Variants in DLGAP2 observed in about 807,000 individuals in gnomAD.
DLGAP2 encodes the protein DLG associated protein 2.
A neutral mutation model predicts 100.3 loss-of-function variants in DLGAP2; 26 were observed. The observed-to-expected ratio is 0.26, with a 90% CI of 0.19 to 0.36. The LOEUF is 0.36. DLGAP2 is among the 10% of genes least tolerant of loss of function. DLGAP2 has a pLI of 1.00. For missense variants in DLGAP2, 1,858 were observed against 1,453.2 expected (o/e 1.28, Z -4.53); for synonymous variants, 886 against 630.1 (o/e 1.41, Z -6.08).
rs527247638 is a variant in DLGAP2 at position 969,239 on chromosome 8, G to C, written c.73+61273G>C. 3.9e-5 allele frequency among the ~76,000 whole-genome samples: 6 copies of C among 152,300 alleles called. No individual in the cohort carries two copies. In the East Asian group the frequency reaches 1.2e-3, roughly 29 times the overall value. Reference sequence around the variant, plus strand: ...TCCTGCTTCATGGCCTCCGATGTCAGCTCTTCCTGGGTCTCCAGCCTGCAG... The same window carrying C: ...TCCTGCTTCATGGCCTCCGATGTCACCTCTTCCTGGGTCTCCAGCCTGCAG... On this transcript the variant is annotated intron_variant, in intron 2 of 14. Coordinates refer to ENST00000637795, the MANE Select transcript of DLGAP2 (RefSeq NM_001346810.2).
intron 2 of DLGAP2, among the ~76,000 whole-genome samples, chr8:973,897 G>GCCGCCA (rs974929861): frequency 2.2e-5 from 3 of 134,466 alleles, no homozygotes; most frequent in Non-Finnish European, 4.6e-5. Context: ...CTCCGCCACC[G>GCCGCCA]CCGCCACCGC....
intron 2 of DLGAP2, among the ~76,000 whole-genome samples, chr8:1,175,813 A>C (rs770890992): frequency 1.4e-4 from 22 of 152,222 alleles, no homozygotes; most frequent in Non-Finnish European, 2.6e-4. Flanking sequence ...TTGGGCATGT[A>C]GTATAGAGGA....
At chr8:1,184,906 C>G (rs550097460) in intron 2 of DLGAP2, among the ~76,000 whole-genome samples, 2 of 152,308 alleles carry the variant, frequency 1.3e-5, no homozygotes, top group South Asian at 4.1e-4. Flanking sequence ...GCAAAGGTGA[C>G]TCACTTGCCC....
intron 3 of DLGAP2, among the ~76,000 whole-genome samples, chr8:1,311,889 A>G (rs1207523780): frequency 6.6e-6 from 1 of 152,212 alleles, no homozygotes; most frequent in Non-Finnish European, 1.5e-5. Context: ...ACAGTGTGTC[A>G]AAATACATAA....
intron 4 of DLGAP2, among the ~76,000 whole-genome samples, chr8:1,521,007 C>T (rs938446501): frequency 9.9e-5 from 15 of 152,120 alleles, no homozygotes; most frequent in African/African-American, 3.4e-4. Flanking sequence ...GCGTCCTGGC[C>T]GGCGTGTGGT....
chr8:1,453,866 C>T (rs1242033815), intron 3 of DLGAP2, among the ~76,000 whole-genome samples: 7 of 152,200 alleles, frequency 4.6e-5, no homozygotes, highest in Non-Finnish European at 1.0e-4. Flanking sequence ...TTTCAGTCTC[C>T]ATGGAAACTG....
At position 1,515,284 on chromosome 8, in the gene DLGAP2, C is replaced by T. The variant is rs118010744; in HGVS notation, c.172+13853C>T. Among the ~76,000 whole-genome samples the T allele has an allele frequency of 8.8e-3, 1,333 of 152,236 alleles. 12 individuals are homozygous for T. The highest frequency in any genetic ancestry group is 0.022 in the South Asian group (105 of 4,832). On this transcript the variant is annotated intron_variant, in intron 4 of 14. Transcript: ENST00000637795. ...TTTTGAAGGGAAAAAGGACCTGGGC[C>T]AGAGAAACCATCATGGAGGCATCCT...
chr8:1,081,641 C>A (rs187385789), intron 2 of DLGAP2, among the ~76,000 whole-genome samples: 11 of 152,280 alleles, frequency 7.2e-5, no homozygotes, highest in African/African-American at 2.6e-4. Context: ...GTGACCCCCA[C>A]GCCTGGCTAG....
intron 3 of DLGAP2, among the ~76,000 whole-genome samples, chr8:1,472,750 C>G (rs931448818): frequency 3.5e-4 from 53 of 152,156 alleles, no homozygotes; most frequent in African/African-American, 1.2e-3. Context: ...TAGAAAAACC[C>G]TAGCTGGGGT....
chr8:781,141 A>G (rs1311658067), intron 1 of DLGAP2, among the ~76,000 whole-genome samples: 1 of 152,088 alleles, frequency 6.6e-6, no homozygotes, highest in East Asian at 1.9e-4. Context: ...TGCATCTGTT[A>G]AGAATTTGTA....
intron 6 of DLGAP2, among the ~76,000 whole-genome samples, chr8:1,614,206 G>C (rs773437011): frequency 1.3e-5 from 2 of 152,160 alleles, no homozygotes; most frequent in Non-Finnish European, 1.5e-5. Flanking sequence ...AGCAGATGGA[G>C]AAATCAACTC....
At chr8:1,357,999 G>A (rs930037894) in intron 3 of DLGAP2, among the ~76,000 whole-genome samples, 1 of 152,196 alleles carries the variant, frequency 6.6e-6, no homozygotes, top group Non-Finnish European at 1.5e-5. Flanking sequence ...GCTGTCTCAG[G>A]ACTCCTTGAC....
chr8:1,520,459 C>T (rs765030839), intron 4 of DLGAP2, among the ~76,000 whole-genome samples: 3 of 152,162 alleles, frequency 2.0e-5, no homozygotes, highest in Non-Finnish European at 2.9e-5. Context: ...TCATCCTTCA[C>T]GTCAGGGGTC....
intron 2 of DLGAP2, among the ~76,000 whole-genome samples, chr8:1,186,461 C>T (rs573637611): frequency 5.3e-5 from 8 of 152,334 alleles, no homozygotes; most frequent in South Asian, 4.1e-4. Context: ...AGTTGCTTCA[C>T]GCCCTAAGCC....
At chr8:1,695,545 G>C (rs1487853749) in intron 13 of DLGAP2, among the ~76,000 whole-genome samples, 4 of 134,702 alleles carry the variant, frequency 3.0e-5, no homozygotes, top group Non-Finnish European at 4.6e-5. Flanking sequence ...CCTACAGAAA[G>C]AGAGGGCACA....
chr8:1,017,783 CAAGTGGCCACCTCA>C (rs1801509953), intron 2 of DLGAP2, among the ~76,000 whole-genome samples: 1 of 152,200 alleles, frequency 6.6e-6, no homozygotes, highest in African/African-American at 2.4e-5. Context: ...CGTCTGAGTG[CAAGTGGCCACCTCA>C]CTCCTCTCCA....
At chr8:1,694,485 G>A (rs562930302) in intron 13 of DLGAP2, among the ~76,000 whole-genome samples, 1 of 152,214 alleles carries the variant, frequency 6.6e-6, no homozygotes, top group African/African-American at 2.4e-5. Context: ...TCAGGGTCGG[G>A]ATGTGCAGGT....
chr8:1,324,039 G>T (rs1314524865), intron 3 of DLGAP2, among the ~76,000 whole-genome samples: 1 of 152,138 alleles, frequency 6.6e-6, no homozygotes, highest in Admixed American at 6.6e-5. Context: ...TGTGCGTCTG[G>T]TCTGCTGTGA....
intron 3 of DLGAP2, chr8:1,299,789 A>AATGG: frequency 6.6e-6 from 1 of 152,324 alleles, no homozygotes; most frequent in Admixed American, 6.5e-5. Flanking sequence ...GGAGGTCAAG[A>AATGG]ATGGATCTGA....
Sources: gnomAD v4.1 joint callset for allele counts (sites outside exome capture counted in the v4.1 genomes callset) on GRCh38, gnomAD v4.1.1 for gene constraint, MANE v1.5 for transcripts, NCBI Gene and HGNC (gene_info 2026-07-23, HGNC 2026-07-21) for gene names.